Variants in FAM184B observed in about 807,000 individuals in gnomAD.
The protein encoded by FAM184B is protein FAM184B.
A neutral mutation model predicts 135.9 loss-of-function variants in FAM184B; 111 were observed. The ratio of observed to expected loss-of-function variants is 0.82; its 90% CI spans 0.70 to 0.96. FAM184B has a LOEUF of 0.96. Among genes scored for constraint, FAM184B ranks in the 40% least tolerant of loss-of-function variants. The pLI, the probability that FAM184B is intolerant of heterozygous loss-of-function variation, is 0.00. For missense variants in FAM184B, 1,375 were observed against 1,323.9 expected, an observed-to-expected ratio of 1.04 and a Z score of -0.60; for synonymous variants, 552 against 524.8, an observed-to-expected ratio of 1.05 and a Z score of -0.71.
At position 17,705,836 on chromosome 4, in the gene FAM184B, G is replaced by T. The variant is rs1339011617; in HGVS notation, c.1086C>A (p.Asp362Glu). The change falls in exon 4 of 18, where the codon GAC becomes GAA. Residue 362 changes from aspartate (D) to glutamate (E), a missense_variant. Asp to Glu is a conservative substitution (Grantham distance 45). Coordinates refer to ENST00000265018, the MANE Select transcript of FAM184B (RefSeq NM_015688.2). ...SENKVLREENDLEAGNLHPQQ... is the reference protein window; with the variant it reads ...SENKVLREENELEAGNLHPQQ... ...GAGGATGAAGATTGCCGGCTTCCAA[G>T]TCATTCTCTTCCCGCAGGACTTTGT... The T allele has an allele frequency of 6.4e-7, 1 of 1,552,080 alleles. No individual in the cohort carries two copies. Among genetic ancestry groups the T allele is most frequent in the Non-Finnish European group, 8.7e-7 (1 of 1,147,114 alleles).
intron 17 of FAM184B, 78 bp downstream of exon 17, chr4:17,633,611 G>T: frequency 7.8e-7 from 1 of 1,289,478 alleles, no homozygotes; most frequent in Non-Finnish European, 1.0e-6. Flanking sequence ...TTGGTACCAG[G>T]TGCTAGAAAG....
At chr4:17,757,579 T>C (rs1718450449) in intron 1 of FAM184B, among the ~76,000 whole-genome samples, 1 of 152,102 alleles carries the variant, frequency 6.6e-6, no homozygotes, top group Admixed American at 6.5e-5. Context: ...TATTTATGGA[T>C]GAAATACTTC....
At chr4:17,769,558 A>G (rs1382765827) in intron 1 of FAM184B, among the ~76,000 whole-genome samples, 1 of 152,112 alleles carries the variant, frequency 6.6e-6, no homozygotes, top group East Asian at 1.9e-4. Context: ...TAAGTAAGAT[A>G]TTAGCTTGGG....
intron 11 of FAM184B, among the ~76,000 whole-genome samples, 199 bp downstream of exon 11, chr4:17,652,631 G>A (rs1715651316): frequency 6.6e-6 from 1 of 151,824 alleles, no homozygotes; most frequent in African/African-American, 2.4e-5. Context: ...CTGGAGCCCT[G>A]GCCTGTGTGC....
At position 17,636,645 on chromosome 4, in the gene FAM184B, T is replaced by C; in HGVS notation, c.2667A>G (p.Glu889=). 1 of 1,547,846 alleles carries C rather than the reference T, an allele frequency of 6.5e-7. No individual in the cohort carries two copies. Among genetic ancestry groups the C allele is most frequent in the Non-Finnish European group, 8.7e-7 (1 of 1,145,794 alleles). Residue 889 remains glutamate, a splice_region_variant and synonymous_variant, in exon 15 of 18, where the codon GAA becomes GAG. Coordinates refer to ENST00000265018, the MANE Select transcript of FAM184B (RefSeq NM_015688.2). ...LQARLAALEA[E]LKDSGEKPGK... ...CTGGCTTCTCTCCGGAATCTTTCAG[T>C]CTGTTCCAAGCAGGCATGCAGTCAA...
chr4:17,715,964 TA>T (rs1717394962), intron 1 of FAM184B, among the ~76,000 whole-genome samples: 1 of 152,206 alleles, frequency 6.6e-6, no homozygotes, highest in Non-Finnish European at 1.5e-5. Flanking sequence ...TTTCTGCCAG[TA>T]AGCCTGAAGT....
At chr4:17,695,611 G>A (rs564148798) in intron 5 of FAM184B, among the ~76,000 whole-genome samples, 15 of 152,256 alleles carry the variant, frequency 9.9e-5, no homozygotes, top group Non-Finnish European at 1.5e-5. Context: ...GCAGCTGGGA[G>A]GAGGGGTAGA....
chr4:17,682,445 A>T (rs1182326506), intron 7 of FAM184B, among the ~76,000 whole-genome samples: 1 of 151,942 alleles, frequency 6.6e-6, no homozygotes, highest in Admixed American at 6.6e-5. Context: ...ATCTCAGTTG[A>T]CATTATTATT....
intron 1 of FAM184B, among the ~76,000 whole-genome samples, chr4:17,735,853 A>G (rs901965410): frequency 2.6e-5 from 4 of 152,128 alleles, no homozygotes. Flanking sequence ...ACAGTGCCAA[A>G]CTCATCCTGT....
intron 10 of FAM184B, 126 bp from the exon 11 acceptor site, chr4:17,653,109 C>T (rs184108547): frequency 1.1e-6 from 1 of 926,916 alleles, no homozygotes; most frequent in African/African-American, 1.6e-5. Context: ...GAGGGCTTAT[C>T]AGGCTACAGA....
chr4:17,733,652 A>T (rs1717837787), intron 1 of FAM184B, among the ~76,000 whole-genome samples: 1 of 152,228 alleles, frequency 6.6e-6, no homozygotes, highest in Admixed American at 6.5e-5. Context: ...AAGGAGAACT[A>T]CAAACCACTG....
chr4:17,767,713 C>A (rs1209769022), intron 1 of FAM184B, among the ~76,000 whole-genome samples: 8 of 140,114 alleles, frequency 5.7e-5, no homozygotes, highest in Non-Finnish European at 1.2e-4. Flanking sequence ...CCGCCCCCCA[C>A]CCCCCGCCAG....
chr4:17,766,068 C>T (rs893155896), intron 1 of FAM184B, among the ~76,000 whole-genome samples: 1 of 152,188 alleles, frequency 6.6e-6, no homozygotes, highest in Non-Finnish European at 1.5e-5. Flanking sequence ...AGTGCAGGCC[C>T]AAAGAGTAAG....
rs1049536370 is a variant in FAM184B at position 17,664,324 on chromosome 4, G to T, written c.1694+238C>A. Among the ~76,000 whole-genome samples the T allele has an allele frequency of 3.9e-5, 6 of 152,200 alleles. 1 individual carries two copies. The highest frequency in any genetic ancestry group is 3.3e-4 in the Admixed American group (5 of 15,280). On this transcript the variant is annotated intron_variant, in intron 8 of 17. Transcript: ENST00000265018. ...TGGAAAGGTTTGCTAACTTCTTTGA[G>T]CTCCAGGTTCTTAAGCTAAAAAATG...
At chr4:17,758,691 C>G (rs897374474) in intron 1 of FAM184B, among the ~76,000 whole-genome samples, 1 of 152,166 alleles carries the variant, frequency 6.6e-6, no homozygotes, top group Non-Finnish European at 1.5e-5. Flanking sequence ...TTCTTGGAGG[C>G]CATTAAATGG....
chr4:17,647,822 C>T lies in FAM184B; in HGVS notation c.2192-31G>A, dbSNP rs1304809618. 1.2e-5 allele frequency: 19 copies of T among 1,525,020 alleles called. 1 individual carries two copies. The East Asian group carries it at 2.4e-4, about 19-fold the overall frequency. The allele number at this position is 1,525,020 out of a possible 1,614,324, so 94.5% of individuals were successfully genotyped here. ...AAAGGGAGAGCAGCAGTGAGTTAGG[C>T]GTTGGGTCTAGGCTGAAGCCTGTGT... On this transcript the variant is annotated intron_variant, in intron 11 of 17. Coordinates refer to ENST00000265018, the MANE Select transcript of FAM184B (RefSeq NM_015688.2).
chr4:17,748,128 AG>A (rs1163440496), intron 1 of FAM184B, among the ~76,000 whole-genome samples: 5 of 151,192 alleles, frequency 3.3e-5, no homozygotes, highest in Non-Finnish European at 7.4e-5. Flanking sequence ...AAAAAAGAAA[AG>A]AAAGAGTCAG....
chr4:17,762,669 A>C (rs1204001735), intron 1 of FAM184B, among the ~76,000 whole-genome samples: 1 of 152,256 alleles, frequency 6.6e-6, no homozygotes, highest in Non-Finnish European at 1.5e-5. Flanking sequence ...GGAGTTGGAT[A>C]GAGCGACAGG....
intron 1 of FAM184B, among the ~76,000 whole-genome samples, chr4:17,747,731 C>A (rs1054397637): frequency 6.6e-6 from 1 of 151,818 alleles, no homozygotes; most frequent in Non-Finnish European, 1.5e-5. Flanking sequence ...ACCATCCTGG[C>A]TAACACGATG....
Sources: allele counts gnomAD v4.1 joint callset (sites outside exome capture counted in the v4.1 genomes callset), GRCh38; gene constraint gnomAD v4.1.1; transcripts MANE v1.5; gene names NCBI Gene and HGNC (gene_info 2026-07-23, HGNC 2026-07-21).